The following BICD2 variants were observed in gnomAD, a reference collection of about 807,000 sequenced individuals.
BICD2 encodes protein bicaudal D homolog 2.
In BICD2, 25 loss-of-function variants were observed where a neutral mutation model predicts 72.9. That is an observed-to-expected ratio of 0.34 (90% CI 0.25 to 0.48). The LOEUF (loss-of-function observed/expected upper bound fraction) is 0.48. BICD2 is among the 20% of genes least tolerant of loss of function. The probability of loss-of-function intolerance (pLI) is 0.99; values close to 1 mark genes in which losing one functional copy is unlikely to be tolerated. For missense variants in BICD2, 894 were observed against 1,175.2 expected (o/e 0.76, Z 3.50); for synonymous variants, 501 against 516.1 (o/e 0.97, Z 0.40).
intron 1 of BICD2, among the ~76,000 whole-genome samples, chr9:92,750,911 T>C (rs1412986068): frequency 1.3e-5 from 2 of 152,140 alleles, no homozygotes; most frequent in Non-Finnish European, 2.9e-5. Context: ...AGTAACTTTT[T>C]CTTTTTATTT....
rs573671615 is a variant in BICD2, at chr9:92,715,034, T to C, written c.*120A>G. On this transcript the variant is annotated 3_prime_UTR_variant, in exon 7 of 7. Coordinates refer to ENST00000356884, the MANE Select transcript of BICD2 (RefSeq NM_001003800.2). Reference sequence around the variant, plus strand: ...ATGCAACGCCCCATGGCGCCTCGGCTAGACTCCTACCCTCTGTGCATTAGT... The same window carrying C: ...ATGCAACGCCCCATGGCGCCTCGGCCAGACTCCTACCCTCTGTGCATTAGT... The C allele has an allele frequency of 1.5e-5, 22 of 1,442,940 alleles. No individual in the cohort carries two copies. In the African/African-American group the frequency reaches 3.2e-4, roughly 21 times the overall value. 89.4% of individuals were successfully genotyped at this position (1,442,940 alleles called of 1,614,324 possible).
At chr9:92,748,288 G>A (rs1489638263) in intron 1 of BICD2, among the ~76,000 whole-genome samples, 1 of 152,070 alleles carries the variant, frequency 6.6e-6, no homozygotes, top group Non-Finnish European at 1.5e-5. Flanking sequence ...CCCTCTCCAG[G>A]GCTGAATCAC....
At position 92,764,804 on chromosome 9, in the gene BICD2, C is replaced by CGCCGCCGCT. The variant is rs925359987; in HGVS notation, c.-69_-61dup. On this transcript the variant is annotated 5_prime_UTR_variant, in exon 1 of 7. Coordinates refer to ENST00000356884, the MANE Select transcript of BICD2 (RefSeq NM_001003800.2). The surrounding 1 kb of genome is among the most constrained non-coding windows in gnomAD (Gnocchi z 5.5). ...TCTCGCAGGCCGGGCCCTCCTCAGC[C>CGCCGCCGCT]GCCGCCGCTGCCGCCGCCGCCGCCG... 4.1e-6 allele frequency: 5 copies of CGCCGCCGCT among 1,223,922 alleles called. No individual in the cohort carries two copies. Among genetic ancestry groups the CGCCGCCGCT allele is most frequent in the Non-Finnish European group, 4.1e-6 (4 of 981,992 alleles). The allele number at this position is 1,223,922 out of a possible 1,614,324, so 75.8% of individuals were successfully genotyped here. A position where few individuals can be genotyped will look rare whatever the true frequency, so the allele number is the denominator to read the frequency against.
At chr9:92,717,776 G>T in intron 6 of BICD2, 21 bp downstream of exon 6, 1 of 1,590,780 alleles carries the variant, frequency 6.3e-7, no homozygotes, top group Non-Finnish European at 8.6e-7. Context: ...GAAGGGGAGG[G>T]CCCGACAGCA....
chr9:92,758,228 T>TATG (rs1327753658), intron 1 of BICD2, among the ~76,000 whole-genome samples: 1 of 145,138 alleles, frequency 6.9e-6, no homozygotes, highest in African/African-American at 2.5e-5. Flanking sequence ...ATAATAATAA[T>TATG]AATATGAATA....
rs1275858663 is a variant in BICD2 at position 92,719,145 on chromosome 9, G to A, written c.1500C>T (p.Ala500=). The A allele has an allele frequency of 1.9e-6, 3 of 1,611,920 alleles. No individual in the cohort carries two copies. The highest frequency in any genetic ancestry group is 2.5e-6 in the Non-Finnish European group (3 of 1,179,990). ...CCTTCTTTAGCTCCTTCTCCAGCCGGGCCAGCAGCTCGCGGTCCTGGCGGC... is the reference window on the plus strand; with the variant it reads ...CCTTCTTTAGCTCCTTCTCCAGCCGAGCCAGCAGCTCGCGGTCCTGGCGGC... ...KASRQDRELL[A]RLEKELKKVS... is the part of the protein sequence containing the mutation. Residue 500 remains alanine (A), a synonymous_variant, in exon 5 of 7, where the codon GCC becomes GCT. Coordinates refer to ENST00000356884, the MANE Select transcript of BICD2 (RefSeq NM_001003800.2).
intron 1 of BICD2, among the ~76,000 whole-genome samples, chr9:92,732,639 C>T (rs1178716242): frequency 6.6e-6 from 1 of 152,094 alleles, no homozygotes; most frequent in East Asian, 1.9e-4. Context: ...CTCTAACAAG[C>T]CAGGAGATAG....
chr9:92,746,450 T>A (rs1021536440), intron 1 of BICD2, among the ~76,000 whole-genome samples: 1 of 151,732 alleles, frequency 6.6e-6, no homozygotes, highest in Non-Finnish European at 1.5e-5. Context: ...GAAAAATTGC[T>A]TGAACCCGGG....
At position 92,714,650 on chromosome 9, in the gene BICD2, C is replaced by T; in HGVS notation, c.*504G>A. On this transcript the variant is annotated 3_prime_UTR_variant, in exon 7 of 7. Coordinates refer to ENST00000356884, the MANE Select transcript of BICD2 (RefSeq NM_001003800.2). ...ATACTGCATAAACTACAACGTACTC[C>T]TTTCCATGAAACTATGCCAAGTGCA... 1.0e-6 allele frequency: 1 copy of T among 986,920 alleles called. No individual in the cohort carries two copies. Among genetic ancestry groups the T allele is most frequent in the Non-Finnish European group, 1.2e-6 (1 of 831,074 alleles). 61.1% of individuals were successfully genotyped at this position (986,920 alleles called of 1,614,324 possible).
chr9:92,762,021 C>T (rs1191187088), intron 1 of BICD2, among the ~76,000 whole-genome samples: 1 of 152,210 alleles, frequency 6.6e-6, no homozygotes, highest in Non-Finnish European at 1.5e-5. Context: ...CAGAAACCCA[C>T]ACACTGGGAC....
intron 1 of BICD2, among the ~76,000 whole-genome samples, chr9:92,733,006 A>C (rs1205543261): frequency 6.6e-6 from 1 of 152,260 alleles, no homozygotes; most frequent in Non-Finnish European, 1.5e-5. Context: ...GGTGATTTTC[A>C]AATTCATATG....
At chr9:92,718,283 G>T (rs1853365196) in intron 5 of BICD2, among the ~76,000 whole-genome samples, 1 of 152,246 alleles carries the variant, frequency 6.6e-6, no homozygotes, top group Admixed American at 6.5e-5. Flanking sequence ...CAGTCACAGT[G>T]AGTCAAGGGC....
intron 1 of BICD2, among the ~76,000 whole-genome samples, chr9:92,757,007 G>C (rs1281324135): frequency 6.6e-6 from 1 of 152,166 alleles, no homozygotes; most frequent in African/African-American, 2.4e-5. Flanking sequence ...CAGTATGAAA[G>C]GGGACAGGAC....
intron 3 of BICD2, among the ~76,000 whole-genome samples, chr9:92,721,960 A>G (rs754712701): frequency 6.6e-6 from 1 of 152,184 alleles, no homozygotes; most frequent in Non-Finnish European, 1.5e-5. Context: ...TGAGACTCAG[A>G]GGATTTTGGT....
At chr9:92,724,691 G>C (rs1204047063) in intron 2 of BICD2, among the ~76,000 whole-genome samples, 1 of 152,198 alleles carries the variant, frequency 6.6e-6, no homozygotes, top group African/African-American at 2.4e-5. Context: ...TGGCTACACG[G>C]GGGGTGGATA....
chr9:92,716,418 C>T (rs893544033), intron 6 of BICD2, among the ~76,000 whole-genome samples: 1 of 152,178 alleles, frequency 6.6e-6, no homozygotes, highest in Non-Finnish European at 1.5e-5. Context: ...AGGACGCTTC[C>T]AGAGAAATCC....
chr9:92,728,276 G>A (rs1853606419), intron 2 of BICD2, among the ~76,000 whole-genome samples: 1 of 152,240 alleles, frequency 6.6e-6, no homozygotes. Context: ...TGTGGCCTTT[G>A]CCCCTATCAG....
chr9:92,737,202 G>T (rs1048337201), intron 1 of BICD2, among the ~76,000 whole-genome samples: 2 of 152,274 alleles, frequency 1.3e-5, no homozygotes, highest in African/African-American at 4.8e-5. Context: ...TGAAACCTGG[G>T]TTAATAATGT....
chr9:92,718,436 C>T, intron 5 of BICD2, 103 bp downstream of exon 5: 1 of 1,393,440 alleles, frequency 7.2e-7, no homozygotes, highest in Non-Finnish European at 9.6e-7. Context: ...GGTGGTGACG[C>T]AGGCCTGGGG....
Sources: gnomAD v4.1 joint callset for allele counts (sites outside exome capture counted in the v4.1 genomes callset) on GRCh38, gnomAD v4.1.1 for gene constraint, Gnocchi (gnomAD v3.1) non-coding constraint, MANE v1.5 for transcripts, NCBI Gene and HGNC (gene_info 2026-07-23, HGNC 2026-07-21) for gene names.